Variants in PLCG2 observed in about 807,000 individuals in gnomAD.
PLCG2 encodes the protein 1-phosphatidylinositol 4,5-bisphosphate phosphodiesterase gamma-2.
In PLCG2, 69 loss-of-function variants were observed where a neutral mutation model predicts 175.6. The observed-to-expected ratio is 0.39, with a 90% CI of 0.32 to 0.48. The LOEUF (loss-of-function observed/expected upper bound fraction) is 0.48. Among genes scored for constraint, PLCG2 ranks in the 20% least tolerant of loss-of-function variants. The pLI is 0.91. For missense variants in PLCG2, 1,798 were observed against 1,650.9 expected (o/e 1.09, Z -1.54); for synonymous variants, 827 against 624.0 (o/e 1.33, Z -4.85).
At chr16:81,916,812 A>G (rs1909862072) in intron 19 of PLCG2, among the ~76,000 whole-genome samples, 1 of 151,880 alleles carries the variant, frequency 6.6e-6, no homozygotes, top group Non-Finnish European at 1.5e-5. Context: ...TAAGTTTTGT[A>G]TTTTTGGTAA....
At chr16:81,797,667 G>A (rs1056102250) in intron 2 of PLCG2, among the ~76,000 whole-genome samples, 2 of 152,186 alleles carry the variant, frequency 1.3e-5, no homozygotes, top group African/African-American at 4.8e-5. Context: ...CGGACTTCCG[G>A]TTTCTTCCTA....
intron 3 of PLCG2, among the ~76,000 whole-genome samples, chr16:81,855,642 G>T (rs1463639125): frequency 6.6e-6 from 1 of 152,242 alleles, no homozygotes; most frequent in Non-Finnish European, 1.5e-5. Context: ...TGGGGAGACA[G>T]ATGTGTGTAC....
At chr16:81,786,257 C>G (rs1416059796) in intron 2 of PLCG2, 75 bp downstream of exon 2, 9 of 1,151,904 alleles carry the variant, frequency 7.8e-6, no homozygotes, top group Non-Finnish European at 8.8e-6. Context: ...ACCTTCCTGT[C>G]TTGTCATTAC....
intron 3 of PLCG2, among the ~76,000 whole-genome samples, chr16:81,855,183 A>G (rs564479911): frequency 5.3e-4 from 76 of 143,144 alleles, no homozygotes; most frequent in African/African-American, 1.9e-3. Flanking sequence ...ACAGAGCAAG[A>G]CTCTGTCTCA....
At chr16:81,843,165 G>A (rs1005910014) in intron 2 of PLCG2, among the ~76,000 whole-genome samples, 1 of 152,148 alleles carries the variant, frequency 6.6e-6, no homozygotes, top group African/African-American at 2.4e-5. Context: ...GCTGACCACA[G>A]CCTACTTTGA....
chr16:81,878,640 C>G (rs1293255102), intron 7 of PLCG2, among the ~76,000 whole-genome samples: 1 of 152,148 alleles, frequency 6.6e-6, no homozygotes, highest in African/African-American at 2.4e-5. Context: ...TCCCTGCCTC[C>G]TAGAGCACTT....
chr16:81,881,056 C>A, intron 8 of PLCG2, 103 bp downstream of exon 8: 1 of 1,196,086 alleles, frequency 8.4e-7, no homozygotes, highest in Non-Finnish European at 1.2e-6. Flanking sequence ...CAGGCGCTGA[C>A]CTCCAAAGGG....
At chr16:81,746,378 T>C (rs1423643693) in intron 1 of PLCG2, among the ~76,000 whole-genome samples, 2 of 152,084 alleles carry the variant, frequency 1.3e-5, no homozygotes, top group East Asian at 1.9e-4. Context: ...AACGGAAGCA[T>C]GGCCGCAGCG....
chr16:81,755,076 C>A (rs895830863), intron 1 of PLCG2, among the ~76,000 whole-genome samples: 3 of 152,072 alleles, frequency 2.0e-5, no homozygotes, highest in African/African-American at 7.2e-5. Flanking sequence ...TTGTGGTAGG[C>A]ATCAGATGAG....
intron 1 of PLCG2, among the ~76,000 whole-genome samples, chr16:81,747,275 C>T (rs927020454): frequency 6.6e-6 from 1 of 152,168 alleles, no homozygotes; most frequent in African/African-American, 2.4e-5. Context: ...TGGCTCACAC[C>T]TGTAAGCCCA....
At chr16:81,819,859 C>T (rs1904718746) in intron 2 of PLCG2, among the ~76,000 whole-genome samples, 1 of 152,218 alleles carries the variant, frequency 6.6e-6, no homozygotes, top group South Asian at 2.1e-4. Context: ...GCTGGGATTA[C>T]AGCTGTGAGC....
chr16:81,884,853 C>G (rs1386756293), intron 9 of PLCG2, among the ~76,000 whole-genome samples: 1 of 152,088 alleles, frequency 6.6e-6, no homozygotes, highest in African/African-American at 2.4e-5. Flanking sequence ...CACCACGTAT[C>G]ATCACTCAGA....
chr16:81,891,479 C>G lies in PLCG2; in HGVS notation c.875C>G (p.Thr292Arg), dbSNP rs772003833. ...CGTGTTTGACTCTTTTAGTTCCTCA[C>G]GTACCTGTTTTCACGAGAAAACAGC... ...EPFLFVDEFL[T>R]YLFSRENSIW... Residue 292 changes from threonine to arginine, a missense_variant, in exon 11 of 33, where the codon ACG (threonine) becomes AGG (arginine). Physicochemically the swap from Thr to Arg is moderately conservative, Grantham distance 71. Coordinates refer to ENST00000564138, the MANE Select transcript of PLCG2 (RefSeq NM_002661.5). The G allele has an allele frequency of 1.3e-6, 2 of 1,572,496 alleles. No homozygotes were observed. Among genetic ancestry groups the G allele is most frequent in the South Asian group, 2.2e-5 (2 of 90,294 alleles).
At chr16:81,803,686 C>A (rs1173667208) in intron 2 of PLCG2, among the ~76,000 whole-genome samples, 1 of 107,050 alleles carries the variant, frequency 9.3e-6, no homozygotes, top group South Asian at 3.7e-4. Context: ...CCTTCCTTTT[C>A]TTTCTTTCTT....
At chr16:81,915,041 C>G (rs1245081941) in intron 19 of PLCG2, among the ~76,000 whole-genome samples, 1 of 152,214 alleles carries the variant, frequency 6.6e-6, no homozygotes, top group African/African-American at 2.4e-5. Flanking sequence ...CAAACCCTCT[C>G]TGGTCAGGGT....
At chr16:81,871,071 A>G (rs1333165372) in intron 7 of PLCG2, 136 bp downstream of exon 7, 2 of 535,682 alleles carry the variant, frequency 3.7e-6, no homozygotes, top group Non-Finnish European at 6.6e-6. Flanking sequence ...GAGAATGATG[A>G]AAGCATACCA....
chr16:81,778,525 C>A (rs1910561326), upstream of PLCG2, among the ~76,000 whole-genome samples: 1 of 152,168 alleles, frequency 6.6e-6, no homozygotes, highest in African/African-American at 2.4e-5. Flanking sequence ...ATGCAACACA[C>A]GAACGGAAAA....
intron 22 of PLCG2, among the ~76,000 whole-genome samples, chr16:81,924,285 T>C (rs1910172610): frequency 6.6e-6 from 1 of 152,250 alleles, no homozygotes; most frequent in South Asian, 2.1e-4. Context: ...TGAGCACTGG[T>C]TTAAGCACCT....
At chr16:81,819,105 G>A (rs1904682537) in intron 2 of PLCG2, among the ~76,000 whole-genome samples, 1 of 152,100 alleles carries the variant, frequency 6.6e-6, no homozygotes, top group Non-Finnish European at 1.5e-5. Flanking sequence ...GCATGGCAGA[G>A]TTCAGATCCA....
Sources: allele counts gnomAD v4.1 joint callset (sites outside exome capture counted in the v4.1 genomes callset), GRCh38; gene constraint gnomAD v4.1.1; transcripts MANE v1.5; gene names NCBI Gene and HGNC (gene_info 2026-07-23, HGNC 2026-07-21).